The following NR5A2 variants were observed in gnomAD, a reference collection of about 807,000 sequenced individuals.
NR5A2 encodes CYP7A promoter-binding factor.
NR5A2 carries 26 observed loss-of-function variants against 62.7 expected under a neutral mutation model. The ratio of observed to expected loss-of-function variants is 0.41; its 90% CI spans 0.30 to 0.58. The LOEUF (loss-of-function observed/expected upper bound fraction) is 0.58. NR5A2 is among the 20% of genes least tolerant of loss of function. NR5A2 has a pLI of 0.22. For missense variants in NR5A2, 541 were observed against 669.1 expected, an observed-to-expected ratio of 0.81 and a Z score of 2.11; for synonymous variants, 246 against 241.7, an observed-to-expected ratio of 1.02 and a Z score of -0.16.
intron 5 of NR5A2, among the ~76,000 whole-genome samples, chr1:200,091,641 T>C (rs1664821114): frequency 6.6e-6 from 1 of 152,004 alleles, no homozygotes; most frequent in African/African-American, 2.4e-5. Flanking sequence ...TACACTACCA[T>C]GCCCAGCTAA....
intron 5 of NR5A2, among the ~76,000 whole-genome samples, chr1:200,076,781 C>T (rs938607777): frequency 2.6e-5 from 4 of 152,204 alleles, no homozygotes; most frequent in Admixed American, 2.6e-4. Context: ...TCAAAATAAA[C>T]ATTAAGTAGA....
At chr1:200,153,303 C>G (rs1419227044) in intron 7 of NR5A2, among the ~76,000 whole-genome samples, 1 of 152,186 alleles carries the variant, frequency 6.6e-6, no homozygotes, top group Non-Finnish European at 1.5e-5. Context: ...ACATTCTTTC[C>G]ACATGCTTTT....
Position 200,173,953 on chromosome 1 carries a change from T to TAA in NR5A2, c.1379-10_1379-9insAA. ...AAATGTTGCTTTTTTTTTTTTTTTTTTTAATGCAGATGTCAAAAACCTTGA... is the reference window on the plus strand; with the variant it reads ...AAATGTTGCTTTTTTTTTTTTTTTTTAATTAATGCAGATGTCAAAAACCTTGA... On this transcript the variant is annotated splice_polypyrimidine_tract_variant and intron_variant, in intron 7 of 7. Coordinates refer to ENST00000367362, the MANE Select transcript of NR5A2 (RefSeq NM_205860.3). 7.4e-7 allele frequency: 1 copy of TAA among 1,350,640 alleles called. No homozygotes were observed. The highest frequency in any genetic ancestry group is 9.6e-7 in the Non-Finnish European group (1 of 1,041,554). 83.7% of individuals were successfully genotyped at this position (1,350,640 alleles called of 1,614,324 possible). A position where few individuals can be genotyped will look rare whatever the true frequency, so the allele number is the denominator to read the frequency against.
chr1:200,096,917 A>T (rs1034189956), intron 5 of NR5A2, among the ~76,000 whole-genome samples: 1 of 152,212 alleles, frequency 6.6e-6, no homozygotes, highest in African/African-American at 2.4e-5. Context: ...AGGTTTGTGT[A>T]GGTTCACTCT....
intron 5 of NR5A2, among the ~76,000 whole-genome samples, chr1:200,105,701 C>T (rs769101312): frequency 9.9e-5 from 15 of 152,248 alleles, no homozygotes; most frequent in Non-Finnish European, 1.8e-4. Context: ...CCCATAGTCC[C>T]AGCACTTTGG....
chr1:200,167,519 C>G (rs759567339), intron 7 of NR5A2, among the ~76,000 whole-genome samples: 1 of 152,134 alleles, frequency 6.6e-6, no homozygotes, highest in Non-Finnish European at 1.5e-5. Context: ...CTGCTCTCCC[C>G]TCACCCTCCT....
rs564086327 is a variant in NR5A2 at position 200,118,011 on chromosome 1, G to A, written c.1231-2797G>A. Among the ~76,000 whole-genome samples the A allele has an allele frequency of 8.8e-5, 11 of 125,312 alleles. No individual in the cohort carries two copies. In the East Asian group the frequency reaches 2.5e-3, roughly 29 times the overall value. 82.2% of individuals were successfully genotyped at this position (125,312 alleles called of 152,430 possible). ...TTAGAGGCATGAGCCGCCGCACCTC[G>A]CCTTTTTCTTTTTTTTTTTTTTTTT... On this transcript the variant is annotated intron_variant, in intron 6 of 7. Coordinates refer to ENST00000367362, the MANE Select transcript of NR5A2 (RefSeq NM_205860.3).
intron 7 of NR5A2, among the ~76,000 whole-genome samples, chr1:200,139,633 TGAC>T (rs1451583830): frequency 6.6e-6 from 1 of 152,254 alleles, no homozygotes; most frequent in East Asian, 1.9e-4. Context: ...CTTCTTCAGT[TGAC>T]GATTTTATTC....
At chr1:200,138,937 C>T (rs576868098) in intron 7 of NR5A2, among the ~76,000 whole-genome samples, 9 of 152,266 alleles carry the variant, frequency 5.9e-5, no homozygotes, top group Admixed American at 3.9e-4. Flanking sequence ...TGTTGTTCCA[C>T]AAAGAACCCA....
chr1:200,087,719 C>A lies in NR5A2; in HGVS notation c.1111-23483C>A, dbSNP rs150513525. On this transcript the variant is annotated intron_variant, in intron 5 of 7. Coordinates refer to ENST00000367362, the MANE Select transcript of NR5A2 (RefSeq NM_205860.3). ...TTTATTTCCCTTTTATCTGTTCTTTCATCCCTTAGTCACATTTTATTTTTT... is the reference window on the plus strand; with the variant it reads ...TTTATTTCCCTTTTATCTGTTCTTTAATCCCTTAGTCACATTTTATTTTTT... 5.4e-3 allele frequency among the ~76,000 whole-genome samples: 822 copies of A among 151,720 alleles called. 12 individuals carry two copies. Among genetic ancestry groups the A allele is most frequent in the African/African-American group, 0.018 (754 of 41,418 alleles).
At chr1:200,052,488 T>C (rs1326668506) in intron 5 of NR5A2, among the ~76,000 whole-genome samples, 1 of 152,136 alleles carries the variant, frequency 6.6e-6, no homozygotes, top group Non-Finnish European at 1.5e-5. Context: ...GCCTGTTTTA[T>C]TCATTAAATA....
At position 200,114,204 on chromosome 1, in the gene NR5A2, G is replaced by A. The variant is rs540005541; in HGVS notation, c.1230+2883G>A. ...TCTCAAAAAAAATAATAGAAAAGAG[G>A]TGGAAGCTAGAAGATATATATATAT... On this transcript the variant is annotated intron_variant, in intron 6 of 7. Transcript: ENST00000367362. Among the ~76,000 whole-genome samples the A allele has an allele frequency of 1.6e-3, 232 of 143,778 alleles. 2 individuals are homozygous for A. The highest frequency in any genetic ancestry group is 2.3e-3 in the Non-Finnish European group (154 of 66,400). 94.3% of individuals were successfully genotyped at this position (143,778 alleles called of 152,430 possible). A position where few individuals can be genotyped will look rare whatever the true frequency, so the allele number is the denominator to read the frequency against.
At position 200,080,012 on chromosome 1, in the gene NR5A2, T is replaced by G. The variant is rs573464006; in HGVS notation, c.1111-31190T>G. On this transcript the variant is annotated intron_variant, in intron 5 of 7. Coordinates refer to ENST00000367362, the MANE Select transcript of NR5A2 (RefSeq NM_205860.3). ...GATACTATCAAATAGCTTTTGACTT[T>G]ATTACTGTTTTGCACTCCCCAGGCT... is the stretch of plus-strand genomic sequence containing the variant. 9.8e-5 allele frequency among the ~76,000 whole-genome samples: 15 copies of G among 152,360 alleles called. No individual in the cohort carries two copies. In the South Asian group the frequency reaches 2.9e-3, roughly 29 times the overall value.
rs577949651 is a variant in NR5A2 at position 200,088,486 on chromosome 1, A to G, written c.1111-22716A>G. 2.0e-5 allele frequency among the ~76,000 whole-genome samples: 3 copies of G among 151,576 alleles called. No individual in the cohort carries two copies. In the East Asian group the frequency reaches 5.9e-4, roughly 30 times the overall value. On this transcript the variant is annotated intron_variant, in intron 5 of 7. Coordinates refer to ENST00000367362, the MANE Select transcript of NR5A2 (RefSeq NM_205860.3). ...TGCTCAGGCTGGTCTTGAACTCCCG[A>G]CCTCAGGTGATCTGCCCACGTCGGC... is the stretch of plus-strand genomic sequence containing the variant.
chr1:200,074,551 C>T (rs1663916964), intron 5 of NR5A2, among the ~76,000 whole-genome samples: 1 of 151,602 alleles, frequency 6.6e-6, no homozygotes, highest in Non-Finnish European at 1.5e-5. Flanking sequence ...TCCTTGCTAA[C>T]ACAGTGAAAC....
intron 5 of NR5A2, among the ~76,000 whole-genome samples, chr1:200,110,531 G>GT (rs1172075644): frequency 2.0e-5 from 3 of 152,080 alleles, no homozygotes; most frequent in African/African-American, 7.2e-5. Context: ...TCTTGGGCCC[G>GT]TTTTTCAGAT....
In NR5A2 at chr1:200,042,413, A is replaced by G. The variant is rs187134936; in HGVS notation, c.203-1361A>G. On this transcript the variant is annotated intron_variant, in intron 2 of 7. Coordinates refer to ENST00000367362, the MANE Select transcript of NR5A2 (RefSeq NM_205860.3). ...AAAATAACTTTATTTTCAAAAGAAC[A>G]AGTCATCACTGCGGCGATACTGTGG... Among the ~76,000 whole-genome samples the G allele has an allele frequency of 3.3e-4, 50 of 152,336 alleles. 1 individual carries two copies. Among genetic ancestry groups the G allele is most frequent in the African/African-American group, 1.2e-3 (49 of 41,568 alleles).
At chr1:200,053,569 GCACACACACACACACACA>G (rs34611924) in intron 5 of NR5A2, among the ~76,000 whole-genome samples, 6 of 141,994 alleles carry the variant, frequency 4.2e-5, no homozygotes, top group Non-Finnish European at 7.6e-5. Context: ...GCATGCACAC[GCACACACACACACACACA>G]CACACACACA....
chr1:200,051,823 A>T (rs1662647381), intron 5 of NR5A2, among the ~76,000 whole-genome samples: 1 of 152,200 alleles, frequency 6.6e-6, no homozygotes. Context: ...GGATTGAGAC[A>T]TCTCTAGGGC....
Sources: gnomAD v4.1 joint callset for allele counts (sites outside exome capture counted in the v4.1 genomes callset) on GRCh38, gnomAD v4.1.1 for gene constraint, MANE v1.5 for transcripts, NCBI Gene and HGNC (gene_info 2026-07-23, HGNC 2026-07-21) for gene names.